The following SFXN5 variants were observed in gnomAD, a reference collection of about 807,000 sequenced individuals.
The protein encoded by SFXN5 is sideroflexin-5.
A neutral mutation model predicts 50.2 loss-of-function variants in SFXN5; 43 were observed. The observed-to-expected ratio is 0.86, with a 90% CI of 0.67 to 1.11. The LOEUF is 1.11. Ranked by LOEUF, SFXN5 falls within the 50% of genes least tolerant of loss-of-function variation. The pLI is 0.00. For synonymous variants in SFXN5, 203 were observed against 185.8 expected, an observed-to-expected ratio of 1.09 and a Z score of -0.75; for missense variants, 463 against 454.1, an observed-to-expected ratio of 1.02 and a Z score of -0.18.
chr2:73,071,566 G>A, intron 1 of SFXN5, 38 bp downstream of exon 1: 1 of 1,590,808 alleles, frequency 6.3e-7, no homozygotes, highest in Non-Finnish European at 8.6e-7. Context: ...TCCTCTCTTT[G>A]CCACCCGCCG....
chr2:72,968,533 C>G lies in SFXN5; in HGVS notation c.742G>C (p.Ala248Pro). Reference sequence around the variant, plus strand: ...CGCGTCAGCGCCGTCTCCAGCAGGGCCTGAGGGGCAGGCAGAAGCTGTGTG... The same window carrying G: ...CGCGTCAGCGCCGTCTCCAGCAGGGGCTGAGGGGCAGGCAGAAGCTGTGTG... ...VGSSKIAARH[A>P]LLETALTRVV... Residue 248 changes from alanine to proline, a missense_variant and splice_region_variant, in exon 12 of 14, where the codon GCC becomes CCC. Physicochemically the swap from Ala to Pro is conservative, Grantham distance 27 (BLOSUM62 -1). Coordinates refer to ENST00000272433, the MANE Select transcript of SFXN5 (RefSeq NM_144579.3). 2 of 1,613,270 alleles carry G rather than the reference C, an allele frequency of 1.2e-6. No homozygotes were observed. The highest frequency in any genetic ancestry group is 1.1e-5 in the South Asian group (1 of 91,020).
chr2:73,050,552 A>C (rs1681163114), intron 2 of SFXN5, among the ~76,000 whole-genome samples: 1 of 152,174 alleles, frequency 6.6e-6, no homozygotes, highest in Non-Finnish European at 1.5e-5. Flanking sequence ...GCCAGAATAC[A>C]GTGGGCAGAG....
In SFXN5 at chr2:72,945,676, T is replaced by C. The variant is rs1264897630; in HGVS notation, c.946-577A>G. Among the ~76,000 whole-genome samples, 1 of 152,078 alleles carries C rather than the reference T, an allele frequency of 6.6e-6. No individual in the cohort carries two copies. Among genetic ancestry groups the C allele is most frequent in the Non-Finnish European group, 1.5e-5 (1 of 67,990 alleles). ...AGGGGCCATCCCTTCAGCTACTCCC[T>C]AGCCCAAGGGTCCCTCCCACGCTGC... On this transcript the variant is annotated intron_variant, in intron 13 of 13. Coordinates refer to ENST00000272433, the MANE Select transcript of SFXN5 (RefSeq NM_144579.3). This position sits in a 1 kb window ranked among gnomAD's most constrained non-coding sequence, Gnocchi z 5.8.
intron 7 of SFXN5, 143 bp from the exon 8 acceptor site, chr2:73,000,630 G>A: frequency 6.5e-6 from 5 of 771,930 alleles, no homozygotes; most frequent in Non-Finnish European, 1.1e-5. Context: ...CTGCCGGTCA[G>A]CATGACTGAC....
chr2:73,024,661 G>GA (rs1490698124), intron 3 of SFXN5, among the ~76,000 whole-genome samples: 1 of 149,520 alleles, frequency 6.7e-6, no homozygotes, highest in East Asian at 1.9e-4. Flanking sequence ...CTCCAAAAAA[G>GA]AAAAAAAAAG....
intron 10 of SFXN5, among the ~76,000 whole-genome samples, chr2:72,985,899 C>G (rs1671858932): frequency 6.6e-6 from 1 of 152,206 alleles, no homozygotes; most frequent in African/African-American, 2.4e-5. Context: ...GAGGTTAAGA[C>G]CACCTCAAGG....
intron 1 of SFXN5, chr2:73,060,011 T>C (rs1300017279): frequency 2.2e-5 from 9 of 406,562 alleles, no homozygotes; most frequent in East Asian, 1.6e-4. Flanking sequence ...CATGGAATAA[T>C]GCTTAAAATT....
chr2:73,007,640 G>A lies in SFXN5; in HGVS notation c.358-6062C>T, dbSNP rs6732935. 1.7e-3 allele frequency among the ~76,000 whole-genome samples: 251 copies of A among 152,090 alleles called. 2 individuals carry two copies. The highest frequency in any genetic ancestry group is 5.7e-3 in the African/African-American group (238 of 41,500). The stretch of plus-strand genomic sequence containing the variant: ...CTCCACGCTGCCTCCCCACATACCC[G>A]GGAGCCTCCCAGGTAGAGCAAGTGT... On this transcript the variant is annotated intron_variant, in intron 6 of 13. Transcript: ENST00000272433.
intron 6 of SFXN5, among the ~76,000 whole-genome samples, chr2:73,001,896 G>A (rs1011294727): frequency 5.3e-5 from 8 of 152,170 alleles, no homozygotes; most frequent in Non-Finnish European, 1.0e-4. Flanking sequence ...TGGAGGTTGG[G>A]TTGCAGATTA....
chr2:73,056,920 C>T (rs530794140), intron 2 of SFXN5, among the ~76,000 whole-genome samples: 5 of 152,250 alleles, frequency 3.3e-5, no homozygotes, highest in African/African-American at 9.6e-5. Flanking sequence ...TAGGATCCAG[C>T]AATCCCATTC....
chr2:73,066,181 G>C (rs1683163656), intron 1 of SFXN5, among the ~76,000 whole-genome samples: 1 of 152,140 alleles, frequency 6.6e-6, no homozygotes, highest in African/African-American at 2.4e-5. Flanking sequence ...CAGCAACATT[G>C]AGAAGGTGGG....
intron 2 of SFXN5, among the ~76,000 whole-genome samples, chr2:73,052,653 TTAAG>T (rs1681528619): frequency 6.6e-6 from 1 of 152,238 alleles, no homozygotes; most frequent in Non-Finnish European, 1.5e-5. Flanking sequence ...ATTCATTTCC[TTAAG>T]TAATTACTGA....
At chr2:72,972,613 G>C (rs1031425263) in intron 10 of SFXN5, among the ~76,000 whole-genome samples, 1 of 152,188 alleles carries the variant, frequency 6.6e-6, no homozygotes, top group African/African-American at 2.4e-5. Context: ...CCGTGGCCCA[G>C]TGCAGTGTGG....
intron 10 of SFXN5, 100 bp from the exon 11 acceptor site, chr2:72,971,785 T>G: frequency 1.2e-6 from 1 of 848,278 alleles, no homozygotes; most frequent in South Asian, 1.6e-5. Context: ...CTTGGGGTTC[T>G]GTGTTCAAAT....
intron 6 of SFXN5, among the ~76,000 whole-genome samples, chr2:73,004,057 C>T (rs1464673500): frequency 1.3e-5 from 2 of 152,146 alleles, no homozygotes; most frequent in Non-Finnish European, 2.9e-5. Context: ...ATTTTGCAAA[C>T]GGGACAACTG....
At chr2:73,029,932 C>T (rs903388602) in intron 3 of SFXN5, among the ~76,000 whole-genome samples, 3 of 151,836 alleles carry the variant, frequency 2.0e-5, no homozygotes, top group Non-Finnish European at 2.9e-5. Flanking sequence ...ATTAGCCAGG[C>T]GCAGTGGTGC....
chr2:73,041,686 C>CTCT (rs1266881417), intron 2 of SFXN5: 1 of 380,568 alleles, frequency 2.6e-6, no homozygotes, highest in East Asian at 7.9e-5. Flanking sequence ...AATAGAAAGC[C>CTCT]TTTATAAGGA....
At chr2:73,007,051 C>T (rs965101074) in intron 6 of SFXN5, among the ~76,000 whole-genome samples, 2 of 152,190 alleles carry the variant, frequency 1.3e-5, no homozygotes, top group African/African-American at 4.8e-5. Flanking sequence ...GATGAGGTCT[C>T]AATCTGGGAG....
rs1190754209 is a variant in SFXN5, at chr2:73,023,223, G to C, written c.250-9C>G. The C allele has an allele frequency of 6.3e-7, 1 of 1,598,232 alleles. No individual in the cohort carries two copies. The highest frequency in any genetic ancestry group is 2.3e-5 in the East Asian group (1 of 44,032). ...TTCTGTGCACTCCAGAGCTGGAAGA[G>C]AGATAAAGGAAAAGAAAATAAAGAA... On this transcript the variant is annotated splice_polypyrimidine_tract_variant and intron_variant, in intron 3 of 13. Transcript: ENST00000272433.
Sources: allele counts gnomAD v4.1 joint callset (sites outside exome capture counted in the v4.1 genomes callset), GRCh38; gene constraint gnomAD v4.1.1; non-coding constraint Gnocchi (gnomAD v3.1); transcripts MANE v1.5; gene names NCBI Gene and HGNC (gene_info 2026-07-23, HGNC 2026-07-21).